The following CUL4A variants were observed in gnomAD, a reference collection of about 807,000 sequenced individuals.
CUL4A encodes cullin 4A, also known as cullin-4A.
In CUL4A, 16 loss-of-function variants were observed where a neutral mutation model predicts 95.5. The ratio of observed to expected loss-of-function variants is 0.17; its 90% CI spans 0.11 to 0.25. The LOEUF (loss-of-function observed/expected upper bound fraction) is 0.25. CUL4A is among the 10% of genes least tolerant of loss of function. CUL4A has a pLI of 1.00. For missense variants in CUL4A, 610 were observed against 937.0 expected, an observed-to-expected ratio of 0.65 and a Z score of 4.56; for synonymous variants, 380 against 353.1, an observed-to-expected ratio of 1.08 and a Z score of -0.85.
At position 113,263,626 on chromosome 13, in the gene CUL4A, C is replaced by T. The variant is rs1309551679; in HGVS notation, c.*44C>T. On this transcript the variant is annotated 3_prime_UTR_variant, in exon 20 of 20. Transcript: ENST00000375440. ...CCCTTCATGAAACACTAGAATGTAC[C>T]CTCAGAGCAGGAAGCACACCTGTGC... 2.4e-6 allele frequency: 3 copies of T among 1,257,248 alleles called. No individual in the cohort carries two copies. The highest frequency in any genetic ancestry group is 3.4e-6 in the Non-Finnish European group (3 of 881,272). 77.9% of individuals were successfully genotyped at this position (1,257,248 alleles called of 1,614,324 possible).
At chr13:113,228,234 T>C (rs2041178568) in intron 4 of CUL4A, among the ~76,000 whole-genome samples, 189 bp downstream of exon 4, 1 of 152,210 alleles carries the variant, frequency 6.6e-6, no homozygotes, top group Non-Finnish European at 1.5e-5. Flanking sequence ...ACTGACCCTC[T>C]TGGCCTTCAG....
At chr13:113,245,825 C>A (rs951384432) in intron 14 of CUL4A, 131 bp from the exon 15 acceptor site, 15 of 703,490 alleles carry the variant, frequency 2.1e-5, no homozygotes, top group Admixed American at 8.8e-5. Context: ...TCATGGAATA[C>A]ATTCTGGGGA....
chr13:113,253,274 A>G, intron 16 of CUL4A, 79 bp downstream of exon 16: 1 of 638,320 alleles, frequency 1.6e-6, no homozygotes, highest in Non-Finnish European at 2.5e-6. Flanking sequence ...GGACTTTAGT[A>G]GCAAAAAAGG....
At chr13:113,256,926 GT>G (rs951070829) in intron 18 of CUL4A, among the ~76,000 whole-genome samples, 167 of 47,380 alleles carry the variant, frequency 3.5e-3, no homozygotes, top group African/African-American at 0.014. Context: ...TTTTTTTTTC[GT>G]TTTTTTTTTT....
At chr13:113,208,680 G>C, upstream of CUL4A, 1 of 1,574,032 alleles carries the variant, frequency 6.4e-7, no homozygotes, top group Non-Finnish European at 8.6e-7. Flanking sequence ...GCCTCAAGCG[G>C]GCCAGCTGGC....
At chr13:113,239,585 C>T (rs775155866) in intron 10 of CUL4A, 34 bp downstream of exon 10, 6 of 1,526,240 alleles carry the variant, frequency 3.9e-6, no homozygotes, top group Non-Finnish European at 5.4e-6. Flanking sequence ...CGGGCGTGGG[C>T]ATTCCCTGCA....
At chr13:113,222,493 C>A (rs139322162) in intron 3 of CUL4A, among the ~76,000 whole-genome samples, 2 of 151,562 alleles carry the variant, frequency 1.3e-5, no homozygotes, top group South Asian at 2.1e-4. Flanking sequence ...GGAGGAGACA[C>A]GGATTGAGGC....
rs1260095430 is a variant in CUL4A at position 113,219,019 on chromosome 13, C to T, written c.339C>T (p.His113=). The change falls in exon 3 of 20, where the codon CAC becomes CAT. Residue 113 remains histidine (H), a synonymous_variant. Coordinates refer to ENST00000375440, the MANE Select transcript of CUL4A (RefSeq NM_001008895.4). The part of the protein sequence containing the change: ...YKQLRQACED[H]VQAQILPFRE... Reference sequence around the variant, plus strand: ...AACTGCGTCAGGCCTGTGAAGACCACGTCCAGGCACAGATCCTTCCGTTTA... The same window carrying T: ...AACTGCGTCAGGCCTGTGAAGACCATGTCCAGGCACAGATCCTTCCGTTTA... 7 of 1,612,044 alleles carry T rather than the reference C, an allele frequency of 4.3e-6. No homozygotes were observed. The Admixed American group carries it at 6.7e-5, about 15-fold the overall frequency.
intron 15 of CUL4A, among the ~76,000 whole-genome samples, chr13:113,249,174 C>T (rs1243632840): frequency 3.3e-5 from 5 of 152,222 alleles, no homozygotes; most frequent in Admixed American, 3.3e-4. Context: ...TGTCTGGCTT[C>T]TTTCACTTAG....
intron 9 of CUL4A, among the ~76,000 whole-genome samples, chr13:113,239,055 T>C (rs1271543498): frequency 6.6e-6 from 1 of 152,232 alleles, no homozygotes; most frequent in East Asian, 1.9e-4. Flanking sequence ...ATAAATTAGA[T>C]TTGATAGCTT....
chr13:113,251,663 T>C (rs2041997854), intron 15 of CUL4A, among the ~76,000 whole-genome samples: 1 of 152,134 alleles, frequency 6.6e-6, no homozygotes, highest in East Asian at 1.9e-4. Flanking sequence ...TTCTCTCTCT[T>C]CCCTGCTCCC....
intron 16 of CUL4A, among the ~76,000 whole-genome samples, chr13:113,254,263 G>C (rs2042066170): frequency 6.6e-6 from 1 of 152,132 alleles, no homozygotes; most frequent in African/African-American, 2.4e-5. Context: ...TAGAAAAGGA[G>C]ATCATCCTGG....
rs777853766 is a variant in CUL4A, at chr13:113,245,255, G to C, written c.1530+18G>C. On this transcript the variant is annotated intron_variant, in intron 14 of 19. Coordinates refer to ENST00000375440, the MANE Select transcript of CUL4A (RefSeq NM_001008895.4). ...TCAAGCAGGTGAGTTGTGTTTCTTA[G>C]GTAAAGCGGCTTTTTAAAAAGTATC... 3.7e-6 allele frequency: 6 copies of C among 1,611,322 alleles called. No homozygotes were observed. Among genetic ancestry groups the C allele is most frequent in the Non-Finnish European group, 5.1e-6 (6 of 1,177,508 alleles).
At chr13:113,239,117 A>G (rs1205723987) in intron 9 of CUL4A, among the ~76,000 whole-genome samples, 1 of 152,228 alleles carries the variant, frequency 6.6e-6, no homozygotes, top group Non-Finnish European at 1.5e-5. Flanking sequence ...GATTGAGAAC[A>G]TGAACCTCCC....
At chr13:113,218,901 C>A in intron 2 of CUL4A, 44 bp from the exon 3 acceptor site, 1 of 1,366,668 alleles carries the variant, frequency 7.3e-7, no homozygotes, top group Non-Finnish European at 1.0e-6. Flanking sequence ...ATGAACCAAT[C>A]TGTTGTTCAT....
intron 2 of CUL4A, among the ~76,000 whole-genome samples, chr13:113,217,481 A>G (rs1030137929): frequency 2.6e-5 from 4 of 152,210 alleles, no homozygotes; most frequent in African/African-American, 9.6e-5. Context: ...ATAATTAAAA[A>G]CAGGATTATA....
upstream of CUL4A, chr13:113,209,582 G>T (rs1048181839): frequency 9.2e-6 from 9 of 975,898 alleles, no homozygotes; most frequent in Non-Finnish European, 1.1e-5. Flanking sequence ...GCGGAGCTCG[G>T]CGGGCGGCGG....
intron 15 of CUL4A, among the ~76,000 whole-genome samples, chr13:113,252,676 G>A (rs932689970): frequency 9.2e-5 from 14 of 152,238 alleles, no homozygotes; most frequent in African/African-American, 3.1e-4. Context: ...CTTCACAGAT[G>A]AGGAAGCAGG....
In CUL4A at chr13:113,265,396, A is replaced by G. The variant is rs2042380885; in HGVS notation, c.*1814A>G. ...ATCCTGTTTCCATTTTAGTTTATTTATTTTTAATTGAGGTGGAGTCTTGCT... is the reference window on the plus strand; with the variant it reads ...ATCCTGTTTCCATTTTAGTTTATTTGTTTTTAATTGAGGTGGAGTCTTGCT... On this transcript the variant is annotated 3_prime_UTR_variant, in exon 20 of 20. Coordinates refer to ENST00000375440, the MANE Select transcript of CUL4A (RefSeq NM_001008895.4). The G allele has an allele frequency of 6.6e-6, 1 of 152,178 alleles. No homozygotes were observed. The highest frequency in any genetic ancestry group is 2.4e-5 in the African/African-American group (1 of 41,424). 9.4% of individuals were successfully genotyped at this position (152,178 alleles called of 1,614,324 possible).
Sources: allele counts gnomAD v4.1 joint callset (sites outside exome capture counted in the v4.1 genomes callset), GRCh38; gene constraint gnomAD v4.1.1; transcripts MANE v1.5; gene names NCBI Gene and HGNC (gene_info 2026-07-23, HGNC 2026-07-21).